Variants in BFSP2 observed in about 807,000 individuals in gnomAD.
BFSP2 encodes beaded filament structural protein 2.
Under a neutral mutation model 44.9 loss-of-function variants are expected in BFSP2, and 38 were observed. The ratio of observed to expected loss-of-function variants is 0.85; its 90% CI spans 0.65 to 1.11. BFSP2 has a LOEUF of 1.11. Ranked by LOEUF, BFSP2 falls within the 50% of genes least tolerant of loss-of-function variation. The pLI, the probability that BFSP2 is intolerant of heterozygous loss-of-function variation, is 0.00. For synonymous variants in BFSP2, 197 were observed against 209.9 expected (o/e 0.94, Z 0.53); for missense variants, 525 against 533.0 (o/e 0.99, Z 0.15).
chr3:133,410,878 G>A (rs1183864643), intron 1 of BFSP2: 1 of 157,868 alleles, frequency 6.3e-6, no homozygotes. Flanking sequence ...GTGACTATGT[G>A]AAGCAATTGA....
chr3:133,410,665 C>T, intron 1 of BFSP2: 2 of 278,008 alleles, frequency 7.2e-6, no homozygotes, highest in East Asian at 1.0e-4. Flanking sequence ...AAACCTATTG[C>T]CTGTGTGCAG....
intron 1 of BFSP2, among the ~76,000 whole-genome samples, chr3:133,413,491 G>A (rs1175356698): frequency 6.6e-6 from 1 of 152,098 alleles, no homozygotes; most frequent in African/African-American, 2.4e-5. Flanking sequence ...TTTTACGGGG[G>A]AATTAGTGAA....
chr3:133,452,241 A>G (rs1381076425), intron 4 of BFSP2, among the ~76,000 whole-genome samples: 1 of 152,126 alleles, frequency 6.6e-6, no homozygotes, highest in Non-Finnish European at 1.5e-5. Context: ...TCTATCCCCC[A>G]AGTATCAACA....
intron 1 of BFSP2, among the ~76,000 whole-genome samples, chr3:133,414,049 T>G (rs188297503): frequency 1.4e-4 from 17 of 123,126 alleles, no homozygotes; most frequent in African/African-American, 5.5e-4. Flanking sequence ...TCTCCCCTAC[T>G]CACCCCTCTA....
chr3:133,431,998 C>T (rs550385450), intron 1 of BFSP2, among the ~76,000 whole-genome samples: 225 of 152,036 alleles, frequency 1.5e-3, no homozygotes, highest in African/African-American at 4.7e-3. Flanking sequence ...CATATCCCCC[C>T]ACCTTAACCC....
At chr3:133,435,630 C>T (rs907604000) in intron 1 of BFSP2, among the ~76,000 whole-genome samples, 2 of 152,162 alleles carry the variant, frequency 1.3e-5, no homozygotes, top group South Asian at 2.1e-4. Flanking sequence ...TTTAATTTTT[C>T]GGTCAGAATT....
At chr3:133,449,982 AAAGGAAGGAAGGAAGGAAGG>A (rs71136469) in intron 3 of BFSP2, among the ~76,000 whole-genome samples, 107 of 86,390 alleles carry the variant, frequency 1.2e-3, no homozygotes, top group Non-Finnish European at 9.4e-4. Context: ...GGAAAGAAGG[AAAGGAAGGAAGGAAGGAAGG>A]AAGGAAGGAA....
chr3:133,468,987 T>C (rs2074137234), intron 5 of BFSP2, among the ~76,000 whole-genome samples: 1 of 152,230 alleles, frequency 6.6e-6, no homozygotes. Flanking sequence ...TATTATTAAT[T>C]ATCATATAAA....
intron 3 of BFSP2, among the ~76,000 whole-genome samples, 173 bp from the exon 4 acceptor site, chr3:133,450,130 T>C (rs1241061720): frequency 1.3e-5 from 2 of 151,520 alleles, no homozygotes; most frequent in African/African-American, 4.9e-5. Flanking sequence ...AAAAGAGAAA[T>C]TACACTTACG....
intron 2 of BFSP2, among the ~76,000 whole-genome samples, chr3:133,448,163 G>A (rs999272293): frequency 2.0e-5 from 3 of 152,198 alleles, no homozygotes; most frequent in Admixed American, 1.3e-4. Flanking sequence ...TGGTTGAAAA[G>A]GAGGACAATC....
intron 2 of BFSP2, 99 bp from the exon 3 acceptor site, chr3:133,448,390 G>A (rs1416644431): frequency 7.1e-7 from 1 of 1,406,638 alleles, no homozygotes; most frequent in Non-Finnish European, 1.0e-6. Context: ...ACCATTCATT[G>A]TCTAACTATC....
At chr3:133,438,839 T>C (rs1470866720) in intron 1 of BFSP2, among the ~76,000 whole-genome samples, 7 of 152,204 alleles carry the variant, frequency 4.6e-5, no homozygotes, top group Admixed American at 1.3e-4. Flanking sequence ...GATACTTCAA[T>C]TGCTGAAGTG....
chr3:133,456,954 T>C (rs1167624008), intron 4 of BFSP2, among the ~76,000 whole-genome samples: 1 of 152,186 alleles, frequency 6.6e-6, no homozygotes, highest in Non-Finnish European at 1.5e-5. Flanking sequence ...AACACAGACA[T>C]TTTATACAAG....
chr3:133,447,501 C>T, intron 2 of BFSP2, 102 bp downstream of exon 2: 3 of 1,204,458 alleles, frequency 2.5e-6, no homozygotes, highest in Non-Finnish European at 3.5e-6. Flanking sequence ...CCTTCTACCT[C>T]AGGGGAAGCT....
intron 4 of BFSP2, among the ~76,000 whole-genome samples, chr3:133,465,551 A>G (rs2074101696): frequency 6.6e-6 from 1 of 152,112 alleles, no homozygotes; most frequent in Non-Finnish European, 1.5e-5. Context: ...GTTCCCCTGA[A>G]TATATGGGGA....
chr3:133,470,640 A>AT lies in BFSP2; in HGVS notation c.1024-1704dup, dbSNP rs1351160881. 2.0e-5 allele frequency among the ~76,000 whole-genome samples: 3 copies of AT among 152,282 alleles called. No individual in the cohort carries two copies. In the South Asian group the frequency reaches 6.2e-4, roughly 32 times the overall value. ...CTAATGGGGAGACATAGATAGTGCA[A>AT]TAAGTGTAACCATAATACAAGTGCT... is the stretch of plus-strand genomic sequence containing the variant. On this transcript the variant is annotated intron_variant, in intron 5 of 6. Coordinates refer to ENST00000302334, the MANE Select transcript of BFSP2 (RefSeq NM_003571.4).
chr3:133,434,654 C>T (rs1027187668), intron 1 of BFSP2, among the ~76,000 whole-genome samples: 20 of 152,134 alleles, frequency 1.3e-4, no homozygotes, highest in African/African-American at 3.6e-4. Context: ...CCCACCTTAA[C>T]TGATGATATT....
chr3:133,474,745 C>T (rs2074199055), intron 6 of BFSP2, among the ~76,000 whole-genome samples: 1 of 152,202 alleles, frequency 6.6e-6, no homozygotes, highest in African/African-American at 2.4e-5. Context: ...AAGACAACCT[C>T]ATGATCCGTG....
At chr3:133,428,085 G>T (rs939225138) in intron 1 of BFSP2, among the ~76,000 whole-genome samples, 1 of 152,176 alleles carries the variant, frequency 6.6e-6, no homozygotes, top group Non-Finnish European at 1.5e-5. Flanking sequence ...CTGTATGCCC[G>T]GGTCCACTCT....
Sources: gnomAD v4.1 joint callset for allele counts (sites outside exome capture counted in the v4.1 genomes callset) on GRCh38, gnomAD v4.1.1 for gene constraint, MANE v1.5 for transcripts, NCBI Gene and HGNC (gene_info 2026-07-23, HGNC 2026-07-21) for gene names.